The following PCK1 variants were observed in gnomAD, a reference collection of about 807,000 sequenced individuals.
PCK1 encodes phosphoenolpyruvate carboxykinase, cytosolic [GTP].
PCK1 carries 44 observed loss-of-function variants against 50.3 expected under a neutral mutation model. That is an observed-to-expected ratio of 0.87 (90% CI 0.69 to 1.12). The LOEUF is 1.12. Among genes scored for constraint, PCK1 ranks in the 50% most tolerant of loss-of-function variants. The pLI is 0.00. For missense variants in PCK1, 790 were observed against 815.0 expected, an observed-to-expected ratio of 0.97 and a Z score of 0.37; for synonymous variants, 332 against 314.3, an observed-to-expected ratio of 1.06 and a Z score of -0.59.
In PCK1 at chr20:57,562,849, G is replaced by C; in HGVS notation, c.560G>C (p.Gly187Ala). 1 of 1,613,950 alleles carries C rather than the reference G, an allele frequency of 6.2e-7. No homozygotes were observed. The highest frequency in any genetic ancestry group is 1.1e-5 in the South Asian group (1 of 91,068). ...GTPVLEAVGD[G>A]EFVKCLHSVG... ...CCCGTCCTGGAAGCAGTGGGCGATG[G>C]GGAGTTTGTCAAATGCCTCCATTCT... The change falls in exon 4 of 10, where the codon GGG (glycine) becomes GCG (alanine). Residue 187 changes from glycine to alanine, a missense_variant. Coordinates refer to ENST00000319441, the MANE Select transcript of PCK1 (RefSeq NM_002591.4).
chr20:57,562,691 T>G lies in PCK1; in HGVS notation c.407-5T>G. ...TCACCAGTGCCCACCCATCGCACCC[T>G]GTAGGTCGCACCATGTACGTCATCC... On this transcript the variant is annotated splice_polypyrimidine_tract_variant and splice_region_variant and intron_variant, in intron 3 of 9. Transcript: ENST00000319441. 1 of 1,612,864 alleles carries G rather than the reference T, an allele frequency of 6.2e-7. No homozygotes were observed. The highest frequency in any genetic ancestry group is 8.5e-7 in the Non-Finnish European group (1 of 1,179,242).
rs1405527615 is a variant in PCK1, at chr20:57,561,468, C to T, written c.57C>T (p.Ser19=). ...LNLSAKVVQG[S]LDSLPQAVRE... is the part of the protein sequence containing the mutation. ...TCTCGGCCAAAGTTGTCCAGGGAAG[C>T]CTGGACAGCCTACCCCAGGCAGTGA... The change falls in exon 2 of 10, where the codon AGC becomes AGT. Residue 19 remains serine (S), a synonymous_variant. Coordinates refer to ENST00000319441, the MANE Select transcript of PCK1 (RefSeq NM_002591.4). The T allele has an allele frequency of 1.2e-6, 2 of 1,613,872 alleles. No individual in the cohort carries two copies. Among genetic ancestry groups the T allele is most frequent in the Non-Finnish European group, 1.7e-6 (2 of 1,179,978 alleles).
intron 4 of PCK1, 41 bp downstream of exon 4, chr20:57,562,940 GA>G: frequency 1.0e-5 from 16 of 1,589,560 alleles, no homozygotes; most frequent in Non-Finnish European, 1.4e-5. Context: ...AAATAAAAAA[GA>G]AAGCTGAACG....
chr20:57,562,244 G>T lies in PCK1; in HGVS notation c.398G>T (p.Cys133Phe), dbSNP rs1167673607. 6 of 1,613,562 alleles carry T rather than the reference G, an allele frequency of 3.7e-6. No individual in the cohort carries two copies. In the African/African-American group the frequency reaches 8.0e-5, roughly 22 times the overall value. The change falls in exon 3 of 10, where the codon TGC becomes TTC. Residue 133 changes from cysteine to phenylalanine, a missense_variant. Physicochemically the swap from Cys to Phe is radical, Grantham distance 205 (BLOSUM62 -2). Coordinates refer to ENST00000319441, the MANE Select transcript of PCK1 (RefSeq NM_002591.4). ...GCGTTCAATGCCAGGTTCCCAGGGT[G>T]CATGAAAGGTGAGCGGAACATTGAT... ...EKAFNARFPG[C>F]MKGRTMYVIP...
At chr20:57,564,042 A>G in intron 6 of PCK1, 127 bp from the exon 7 acceptor site, 1 of 669,244 alleles carries the variant, frequency 1.5e-6, no homozygotes, top group South Asian at 1.9e-5. Flanking sequence ...AAAGAGATAA[A>G]TGCATATTCT....
In PCK1 at chr20:57,565,916, C is replaced by G. The variant is rs1169645108; in HGVS notation, c.*112C>G. ...ATTGACGCCACCATAATAATCATCA[C>G]CACACCGTGAGCAGATCTGAAAGGC... On this transcript the variant is annotated 3_prime_UTR_variant, in exon 10 of 10. Transcript: ENST00000319441. The G allele has an allele frequency of 1.3e-6, 1 of 760,180 alleles. No individual in the cohort carries two copies. Among genetic ancestry groups the G allele is most frequent in the Non-Finnish European group, 2.1e-6 (1 of 478,996 alleles). The allele number at this position is 760,180 out of a possible 1,614,324, so 47.1% of individuals were successfully genotyped here.
At chr20:57,561,723 A>T (rs1268889119) in intron 2 of PCK1, 88 bp downstream of exon 2, 1 of 878,274 alleles carries the variant, frequency 1.1e-6, no homozygotes, top group East Asian at 2.4e-5. Flanking sequence ...AGGTGAATGA[A>T]GGCCTTCGGG....
chr20:57,561,279 T>C (rs2070137830), intron 1 of PCK1, 76 bp downstream of exon 1: 3 of 638,812 alleles, frequency 4.7e-6, no homozygotes, highest in Non-Finnish European at 2.8e-6. Context: ...CAATAACTAT[T>C]TGGCAATGCA....
At position 57,567,115 on chromosome 20, in the gene PCK1, C is replaced by A. The variant is rs984221111; in HGVS notation, c.*1311C>A. 6.6e-6 allele frequency: 1 copy of A among 152,182 alleles called. No individual in the cohort carries two copies. Among genetic ancestry groups the A allele is most frequent in the Non-Finnish European group, 1.5e-5 (1 of 68,036 alleles). 9.4% of individuals were successfully genotyped at this position (152,182 alleles called of 1,614,324 possible). A position where few individuals can be genotyped will look rare whatever the true frequency, so the allele number is the denominator to read the frequency against. ...TCCAAACGAACCATAAACTTTATATCACAGATTCAATCTGTGTAAATACTA... is the reference window on the plus strand; with the variant it reads ...TCCAAACGAACCATAAACTTTATATAACAGATTCAATCTGTGTAAATACTA... On this transcript the variant is annotated 3_prime_UTR_variant, in exon 10 of 10. Coordinates refer to ENST00000319441, the MANE Select transcript of PCK1 (RefSeq NM_002591.4).
At position 57,562,810 on chromosome 20, in the gene PCK1, C is replaced by A. The variant is rs199822253; in HGVS notation, c.521C>A (p.Thr174Lys). 6.2e-7 allele frequency: 1 copy of A among 1,614,036 alleles called. No homozygotes were observed. Among genetic ancestry groups the A allele is most frequent in the Non-Finnish European group, 8.5e-7 (1 of 1,179,872 alleles). The part of the protein sequence containing the change: ...PYVVASMRIM[T>K]RMGTPVLEAV... ...GTGGTGGCCAGCATGCGGATCATGA[C>A]GCGGATGGGCACGCCCGTCCTGGAA... Residue 174 changes from threonine to lysine, a missense_variant, in exon 4 of 10, where the codon ACG becomes AAG. Coordinates refer to ENST00000319441, the MANE Select transcript of PCK1 (RefSeq NM_002591.4).
At position 57,565,656 on chromosome 20, in the gene PCK1, T is replaced by C. The variant is rs1248361136; in HGVS notation, c.1721T>C (p.Met574Thr). 26 of 1,613,942 alleles carry C rather than the reference T, an allele frequency of 1.6e-5. No individual in the cohort carries two copies. Among genetic ancestry groups the C allele is most frequent in the South Asian group, 2.2e-5 (2 of 91,062 alleles). ...LNLKGLGHIN[M>T]MELFSISKEF... Reference sequence around the variant, plus strand: ...CTGAAAGGCCTGGGGCACATCAACATGATGGAGCTTTTCAGCATCTCCAAG... The same window carrying C: ...CTGAAAGGCCTGGGGCACATCAACACGATGGAGCTTTTCAGCATCTCCAAG... The change falls in exon 10 of 10, where the codon ATG (methionine) becomes ACG (threonine). Residue 574 changes from methionine to threonine, a missense_variant. Physicochemically the swap from Met to Thr is moderately conservative, Grantham distance 81. Coordinates refer to ENST00000319441, the MANE Select transcript of PCK1 (RefSeq NM_002591.4).
At chr20:57,563,800 T>G in intron 6 of PCK1, 73 bp downstream of exon 6, 1 of 1,229,656 alleles carries the variant, frequency 8.1e-7, no homozygotes, top group Non-Finnish European at 1.2e-6. Flanking sequence ...ACATGTCACA[T>G]TCTCCTCAGT....
chr20:57,563,228 G>A lies in PCK1; in HGVS notation c.798+13G>A. 1.2e-6 allele frequency: 2 copies of A among 1,612,284 alleles called. No individual in the cohort carries two copies. The highest frequency in any genetic ancestry group is 1.7e-6 in the Non-Finnish European group (2 of 1,179,500). ...AGAGCACATGCTGGTGAGCCTGCAG[G>A]AAGCCCTGATGTGCAGATGAGAGGC... On this transcript the variant is annotated intron_variant, in intron 5 of 9. Coordinates refer to ENST00000319441, the MANE Select transcript of PCK1 (RefSeq NM_002591.4).
At position 57,567,631 on chromosome 20, in the gene PCK1, C is replaced by A. The variant is rs1388530691; in HGVS notation, c.*1827C>A. ...CTAAAGGAGACAGAGCCCAAGGCAGCCCACCTGAAGCTGGGGAGGGAGTCC... is the reference window on the plus strand; with the variant it reads ...CTAAAGGAGACAGAGCCCAAGGCAGACCACCTGAAGCTGGGGAGGGAGTCC... On this transcript the variant is annotated 3_prime_UTR_variant, in exon 10 of 10. Transcript: ENST00000319441. 1 of 152,248 alleles carries A rather than the reference C, an allele frequency of 6.6e-6. No individual in the cohort carries two copies. Among genetic ancestry groups the A allele is most frequent in the Non-Finnish European group, 1.5e-5 (1 of 68,056 alleles). 9.4% of individuals were successfully genotyped at this position (152,248 alleles called of 1,614,324 possible).
rs1168543537 is a variant in PCK1 at position 57,561,594 on chromosome 20, G to A, written c.183G>A (p.Glu61=). Reference sequence around the variant, plus strand: ...ATGGGCGGCTTCTGGGCCAGATGGAGGAAGAGGGCATCCTCAGGCGGCTGA... The same window carrying A: ...ATGGGCGGCTTCTGGGCCAGATGGAAGAAGAGGGCATCCTCAGGCGGCTGA... ...EENGRLLGQM[E]EEGILRRLKK... The change falls in exon 2 of 10, where the codon GAG becomes GAA. Residue 61 remains glutamate (E), a synonymous_variant. Coordinates refer to ENST00000319441, the MANE Select transcript of PCK1 (RefSeq NM_002591.4). The A allele has an allele frequency of 4.3e-6, 7 of 1,613,586 alleles. 1 individual carries two copies. The South Asian group carries it at 4.4e-5, about 10-fold the overall frequency.
chr20:57,564,318 G>C lies in PCK1; in HGVS notation c.1111G>C (p.Glu371Gln). 1 of 1,614,118 alleles carries C rather than the reference G, an allele frequency of 6.2e-7. No homozygotes were observed. The highest frequency in any genetic ancestry group is 8.5e-7 in the Non-Finnish European group (1 of 1,180,032). ...AETSDGGVYW[E>Q]GIDEPLASGV... ...GACCAGCGACGGGGGCGTTTACTGGGAAGGCATTGATGAGCCGCTAGCTTC... is the reference window on the plus strand; with the variant it reads ...GACCAGCGACGGGGGCGTTTACTGGCAAGGCATTGATGAGCCGCTAGCTTC... Residue 371 changes from glutamate (E) to glutamine (Q), a missense_variant, in exon 7 of 10, where the codon GAA (glutamate) becomes CAA (glutamine). Coordinates refer to ENST00000319441, the MANE Select transcript of PCK1 (RefSeq NM_002591.4).
In PCK1 at chr20:57,564,359, G is replaced by A. The variant is rs141878699; in HGVS notation, c.1152G>A (p.Thr384=). 9.8e-4 allele frequency: 1,588 copies of A among 1,614,082 alleles called. 1 individual carries two copies. Among genetic ancestry groups the A allele is most frequent in the Non-Finnish European group, 1.1e-3 (1,301 of 1,179,956 alleles). The change falls in exon 7 of 10, where the codon ACG becomes ACA. Residue 384 remains threonine, a synonymous_variant. Coordinates refer to ENST00000319441, the MANE Select transcript of PCK1 (RefSeq NM_002591.4). ...CGCTAGCTTCAGGTGTCACCATCACGTCCTGGAAGAATAAGGAGTGGAGCT... is the reference window on the plus strand; with the variant it reads ...CGCTAGCTTCAGGTGTCACCATCACATCCTGGAAGAATAAGGAGTGGAGCT... ...DEPLASGVTI[T]SWKNKEWSSE...
chr20:57,566,161 ATGTGTGTGTGTGTGTG>A lies in PCK1; in HGVS notation c.*378_*393del, dbSNP rs141075201. ...AAAAATACTTGAGCTGTATATATAT[ATGTGTGTGTGTGTGTG>A]TGTGTGTGTGTGTGTGTGTGCATGT... On this transcript the variant is annotated 3_prime_UTR_variant, in exon 10 of 10. Coordinates refer to ENST00000319441, the MANE Select transcript of PCK1 (RefSeq NM_002591.4). The A allele has an allele frequency of 1.9e-5, 3 of 159,582 alleles. No homozygotes were observed. Among genetic ancestry groups the A allele is most frequent in the African/African-American group, 5.0e-5 (2 of 39,628 alleles). The allele number at this position is 159,582 out of a possible 1,614,324, so 9.9% of individuals were successfully genotyped here.
Position 57,562,189 on chromosome 20 carries a change from C to T in PCK1, c.343C>T (p.Arg115Cys), listed in dbSNP as rs2070151842. 3.1e-6 allele frequency: 5 copies of T among 1,614,102 alleles called. No homozygotes were observed. Among genetic ancestry groups the T allele is most frequent in the South Asian group, 1.1e-5 (1 of 91,068 alleles). The change falls in exon 3 of 10, where the codon CGC becomes TGC. Residue 115 changes from arginine (R) to cysteine (C), a missense_variant. Physicochemically the swap from Arg to Cys is radical, Grantham distance 180. Transcript: ENST00000319441. ...IPKTGLSQLG[R>C]WMSEEDFEKA... is the part of the protein sequence containing the mutation. ...CAAAACAGGCCTCAGCCAGCTCGGTCGCTGGATGTCAGAGGAGGATTTTGA... is the reference window on the plus strand; with the variant it reads ...CAAAACAGGCCTCAGCCAGCTCGGTTGCTGGATGTCAGAGGAGGATTTTGA...
Sources: gnomAD v4.1 joint callset for allele counts on GRCh38, gnomAD v4.1.1 for gene constraint, MANE v1.5 for transcripts, NCBI Gene and HGNC (gene_info 2026-07-23, HGNC 2026-07-21) for gene names.